CDH4: variants seen among roughly 807,000 people sequenced by gnomAD.
CDH4 encodes cadherin 4.
A neutral mutation model predicts 86.0 loss-of-function variants in CDH4; 33 were observed. That is an observed-to-expected ratio of 0.38 (90% CI 0.29 to 0.51). The LOEUF is 0.51. Among genes scored for constraint, CDH4 ranks in the 20% least tolerant of loss-of-function variants. CDH4 has a pLI of 0.86. For synonymous variants in CDH4, 555 were observed against 549.4 expected (o/e 1.01, Z -0.14); for missense variants, 1,114 against 1,307.4 (o/e 0.85, Z 2.28).
At chr20:61,875,622 G>A (rs1410791026) in intron 7 of CDH4, among the ~76,000 whole-genome samples, 2 of 152,166 alleles carry the variant, frequency 1.3e-5, no homozygotes, top group Non-Finnish European at 2.9e-5. Context: ...AATGCCTGGG[G>A]CTCCGAGTGA....
chr20:61,775,994 A>G (rs2088837581), intron 4 of CDH4, among the ~76,000 whole-genome samples: 1 of 152,084 alleles, frequency 6.6e-6, no homozygotes. Flanking sequence ...CCATCTCCTG[A>G]TGGACAGTGG....
In CDH4 at chr20:61,902,204, G is replaced by A. The variant is rs997003898; in HGVS notation, c.1188+7157G>A. On this transcript the variant is annotated intron_variant, in intron 8 of 15. Transcript: ENST00000614565. The surrounding 1 kb of genome is among the most constrained non-coding windows in gnomAD (Gnocchi z 4.6). ...AGGCGTGGAGGCATCGTGGATGGCCGTTTTCAGAGCAGGGCAGGCAGCACA... is the reference window on the plus strand; with the variant it reads ...AGGCGTGGAGGCATCGTGGATGGCCATTTTCAGAGCAGGGCAGGCAGCACA... Among the ~76,000 whole-genome samples the A allele has an allele frequency of 5.9e-5, 9 of 152,238 alleles. No homozygotes were observed. The highest frequency in any genetic ancestry group is 1.2e-4 in the Non-Finnish European group (8 of 68,044).
chr20:61,806,575 GCA>G (rs11474177), intron 4 of CDH4, among the ~76,000 whole-genome samples: 1 of 151,672 alleles, frequency 6.6e-6, no homozygotes, highest in Non-Finnish European at 1.5e-5. Context: ...CCACGCGCAC[GCA>G]CACACACATG....
chr20:61,518,814 CCATCCATTAATCCATCATT>C lies in CDH4; in HGVS notation c.170-224740_170-224722del, dbSNP rs2085845893. Among the ~76,000 whole-genome samples, 1 of 151,958 alleles carries C rather than the reference CCATCCATTAATCCATCATT, an allele frequency of 6.6e-6. No homozygotes were observed. Among genetic ancestry groups the C allele is most frequent in the Non-Finnish European group, 1.5e-5 (1 of 67,970 alleles). ...ATTCATTCATCCATCCACCCATCAT[CCATCCATTAATCCATCATT>C]CATCCATTCATCCACCCATCACCCA... On this transcript the variant is annotated intron_variant, in intron 2 of 15. Coordinates refer to ENST00000614565, the MANE Select transcript of CDH4 (RefSeq NM_001794.5). This position sits in a 1 kb window ranked among gnomAD's most constrained non-coding sequence, Gnocchi z 6.3.
At chr20:61,489,014 G>T (rs2085611521) in intron 2 of CDH4, among the ~76,000 whole-genome samples, 1 of 152,046 alleles carries the variant, frequency 6.6e-6, no homozygotes, top group Admixed American at 6.5e-5. Flanking sequence ...ACTTCAATGC[G>T]TTACTGTGCA....
At chr20:61,421,812 G>T (rs2085179273) in intron 2 of CDH4, among the ~76,000 whole-genome samples, 1 of 152,166 alleles carries the variant, frequency 6.6e-6, no homozygotes, top group African/African-American at 2.4e-5. Context: ...GAGGCCCACT[G>T]GGTGTGCACT....
At chr20:61,603,242 T>C (rs1476402087) in intron 2 of CDH4, among the ~76,000 whole-genome samples, 3 of 151,990 alleles carry the variant, frequency 2.0e-5, no homozygotes, top group African/African-American at 7.3e-5. Context: ...GGGAGACAGA[T>C]AGGGAAGTCA....
chr20:61,691,443 C>A (rs993968839), intron 2 of CDH4, among the ~76,000 whole-genome samples: 7 of 151,280 alleles, frequency 4.6e-5, no homozygotes, highest in Non-Finnish European at 8.9e-5. Flanking sequence ...GCATGTGTGT[C>A]TGTGTGTATG....
chr20:61,304,313 T>C (rs922426147), intron 2 of CDH4, among the ~76,000 whole-genome samples: 2 of 150,176 alleles, frequency 1.3e-5, no homozygotes, highest in Admixed American at 6.7e-5. Context: ...AGTGACTTCC[T>C]AGGTAATCAC....
chr20:61,396,941 C>G (rs1458384503), intron 2 of CDH4, among the ~76,000 whole-genome samples: 1 of 152,162 alleles, frequency 6.6e-6, no homozygotes, highest in Non-Finnish European at 1.5e-5. Flanking sequence ...GAGACAGTCT[C>G]ACTTTGTCAC....
At chr20:61,820,208 C>T (rs1056325549) in intron 4 of CDH4, among the ~76,000 whole-genome samples, 2 of 152,228 alleles carry the variant, frequency 1.3e-5, no homozygotes, top group African/African-American at 4.8e-5. Context: ...CAACCAGCGG[C>T]TCTCACTGGC....
At chr20:61,484,166 A>G (rs1466130178) in intron 2 of CDH4, among the ~76,000 whole-genome samples, 1 of 152,042 alleles carries the variant, frequency 6.6e-6, no homozygotes, top group Non-Finnish European at 1.5e-5. Flanking sequence ...ACCATACCTG[A>G]GGTCCCAACA....
At chr20:61,380,850 C>T (rs1014383534) in intron 2 of CDH4, among the ~76,000 whole-genome samples, 2 of 152,198 alleles carry the variant, frequency 1.3e-5, no homozygotes, top group Non-Finnish European at 2.9e-5. Flanking sequence ...TGTTCTGTTG[C>T]ATCCGAAGTA....
chr20:61,885,171 A>C (rs1984483993), intron 7 of CDH4, among the ~76,000 whole-genome samples: 1 of 152,170 alleles, frequency 6.6e-6, no homozygotes, highest in African/African-American at 2.4e-5. Context: ...GGGAGCTCAC[A>C]CGCCACCAAA....
Position 61,807,764 on chromosome 20 carries a change from G to A in CDH4, c.576+34582G>A, listed in dbSNP as rs1980214625. ...CTGGCGCCAGTAGGAGGCCCAGCTA[G>A]CTGGGAGTTCTGAAATATAGGAAGG... is the stretch of plus-strand genomic sequence containing the variant. On this transcript the variant is annotated intron_variant, in intron 4 of 15. Transcript: ENST00000614565. The surrounding 1 kb of genome is among the most constrained non-coding windows in gnomAD (Gnocchi z 4.5). 6.6e-6 allele frequency among the ~76,000 whole-genome samples: 1 copy of A among 152,234 alleles called. No homozygotes were observed. Among genetic ancestry groups the A allele is most frequent in the Non-Finnish European group, 1.5e-5 (1 of 68,044 alleles).
chr20:61,436,023 C>T (rs1207822182), intron 2 of CDH4, among the ~76,000 whole-genome samples: 1 of 152,128 alleles, frequency 6.6e-6, no homozygotes, highest in Non-Finnish European at 1.5e-5. Flanking sequence ...AGGACCTTTG[C>T]ACATGCTCTT....
At chr20:61,312,748 T>G (rs1327724590) in intron 2 of CDH4, among the ~76,000 whole-genome samples, 1 of 152,186 alleles carries the variant, frequency 6.6e-6, no homozygotes, top group African/African-American at 2.4e-5. Context: ...ATTAATTTTG[T>G]GCAGCGTATG....
At chr20:61,728,777 C>T (rs1391458923) in intron 2 of CDH4, among the ~76,000 whole-genome samples, 1 of 152,162 alleles carries the variant, frequency 6.6e-6, no homozygotes. Context: ...ATGTTAGTTC[C>T]AGATATTCAA....
intron 6 of CDH4, among the ~76,000 whole-genome samples, chr20:61,859,369 G>A (rs1290153950): frequency 6.6e-6 from 1 of 152,100 alleles, no homozygotes; most frequent in Non-Finnish European, 1.5e-5. Flanking sequence ...CTCCCCCCAG[G>A]GTCTTTGCGA....
Sources: gnomAD v4.1 joint callset for allele counts (sites outside exome capture counted in the v4.1 genomes callset) on GRCh38, gnomAD v4.1.1 for gene constraint, Gnocchi (gnomAD v3.1) non-coding constraint, MANE v1.5 for transcripts, NCBI Gene and HGNC (gene_info 2026-07-23, HGNC 2026-07-21) for gene names.